Variants in PAPSS1 observed in about 807,000 individuals in gnomAD.
PAPSS1 encodes the protein 3'-phosphoadenosine 5'-phosphosulfate synthase 1.
In PAPSS1, 50 loss-of-function variants were observed where a neutral mutation model predicts 72.0. The ratio of observed to expected loss-of-function variants is 0.69; its 90% CI spans 0.55 to 0.88. The LOEUF (loss-of-function observed/expected upper bound fraction) is 0.88, where lower values mean the gene tolerates loss of function less well. Among genes scored for constraint, PAPSS1 ranks in the 40% least tolerant of loss-of-function variants. The pLI, the probability that PAPSS1 is intolerant of heterozygous loss-of-function variation, is 0.00. For synonymous variants in PAPSS1, 261 were observed against 263.6 expected (o/e 0.99, Z 0.09); for missense variants, 657 against 782.2 (o/e 0.84, Z 1.91).
intron 5 of PAPSS1, among the ~76,000 whole-genome samples, chr4:107,671,694 G>A (rs914050381): frequency 1.2e-4 from 18 of 152,022 alleles, no homozygotes; most frequent in African/African-American, 3.4e-4. Flanking sequence ...ATCCACAGAC[G>A]CTCAAGTGAT....
At chr4:107,634,578 C>T (rs78783219) in intron 10 of PAPSS1, among the ~76,000 whole-genome samples, 200 of 152,198 alleles carry the variant, frequency 1.3e-3, no homozygotes, top group African/African-American at 4.6e-3. Context: ...ATCTACACAT[C>T]ATTTAAAATA....
chr4:107,654,135 G>T lies in PAPSS1; in HGVS notation c.1102-509C>A, dbSNP rs185557113. ...TGTTCATATTCACAAGGCAGCTCCA[G>T]CCCTCCTTTTCCCCATGAGGCTTTG... On this transcript the variant is annotated intron_variant, in intron 8 of 11. Coordinates refer to ENST00000265174, the MANE Select transcript of PAPSS1 (RefSeq NM_005443.5). Among the ~76,000 whole-genome samples, 52 of 152,280 alleles carry T rather than the reference G, an allele frequency of 3.4e-4. No individual in the cohort carries two copies. In the East Asian group the frequency reaches 8.5e-3, roughly 25 times the overall value.
In PAPSS1 at chr4:107,705,579, C is replaced by T. The variant is rs567750354; in HGVS notation, c.61-4294G>A. 1.5e-4 allele frequency among the ~76,000 whole-genome samples: 23 copies of T among 152,280 alleles called. No homozygotes were observed. In the East Asian group the frequency reaches 1.7e-3, roughly 11 times the overall value. On this transcript the variant is annotated intron_variant, in intron 1 of 11. Transcript: ENST00000265174. ...AGAGTTCTTTATACCAGTGTGAAAA[C>T]GAACTAATACAGACTGGCATTAATC...
chr4:107,664,392 A>C (rs1440167529), intron 5 of PAPSS1, among the ~76,000 whole-genome samples: 1 of 152,156 alleles, frequency 6.6e-6, no homozygotes, highest in East Asian at 1.9e-4. Context: ...GGCTACAACA[A>C]GGCATGTTTA....
chr4:107,704,214 AATTT>A (rs2125938287), intron 1 of PAPSS1, among the ~76,000 whole-genome samples: 1 of 152,276 alleles, frequency 6.6e-6, no homozygotes, highest in Non-Finnish European at 1.5e-5. Flanking sequence ...AACTTTACTA[AATTT>A]ATTTATTCTA....
chr4:107,679,312 A>T (rs1727740065), intron 5 of PAPSS1, among the ~76,000 whole-genome samples: 1 of 152,136 alleles, frequency 6.6e-6, no homozygotes, highest in East Asian at 1.9e-4. Flanking sequence ...ATGAAGCAGG[A>T]ACACTAAGAA....
chr4:107,686,498 A>C (rs950508107), intron 4 of PAPSS1, among the ~76,000 whole-genome samples: 20 of 152,196 alleles, frequency 1.3e-4, no homozygotes, highest in African/African-American at 4.6e-4. Flanking sequence ...TTGAAACCAC[A>C]CATGTGGAAT....
intron 3 of PAPSS1, among the ~76,000 whole-genome samples, chr4:107,693,544 C>T (rs1046042921): frequency 5.9e-5 from 9 of 152,152 alleles, no homozygotes; most frequent in East Asian, 1.9e-4. Context: ...TTATACTTCA[C>T]GGCTTTTTTA....
chr4:107,713,781 A>T (rs914760240), intron 1 of PAPSS1, among the ~76,000 whole-genome samples: 6 of 151,350 alleles, frequency 4.0e-5, no homozygotes, highest in Admixed American at 2.6e-4. Flanking sequence ...AAGAAAAAAA[A>T]ATATGAAAGA....
intron 4 of PAPSS1, among the ~76,000 whole-genome samples, chr4:107,682,956 C>T (rs1722674851): frequency 6.6e-6 from 1 of 152,216 alleles, no homozygotes; most frequent in African/African-American, 2.4e-5. Context: ...TAGTATTAAC[C>T]ACTATTTAGA....
At chr4:107,645,740 C>T (rs1203849605) in intron 9 of PAPSS1, among the ~76,000 whole-genome samples, 2 of 152,202 alleles carry the variant, frequency 1.3e-5, no homozygotes, top group Non-Finnish European at 2.9e-5. Flanking sequence ...TGCTTGCTAG[C>T]AGGAGACCTT....
intron 1 of PAPSS1, among the ~76,000 whole-genome samples, chr4:107,715,425 C>T (rs1319096566): frequency 6.6e-6 from 1 of 152,184 alleles, no homozygotes; most frequent in Non-Finnish European, 1.5e-5. Flanking sequence ...CCTGACCACA[C>T]CCAGGCCAAT....
chr4:107,699,996 A>C (rs1723167590), intron 2 of PAPSS1, among the ~76,000 whole-genome samples: 1 of 152,210 alleles, frequency 6.6e-6, no homozygotes, highest in Non-Finnish European at 1.5e-5. Flanking sequence ...GAAGCTACCA[A>C]CTATTGACCC....
intron 10 of PAPSS1, among the ~76,000 whole-genome samples, chr4:107,634,561 A>C (rs377161321): frequency 3.4e-4 from 51 of 152,166 alleles, no homozygotes; most frequent in African/African-American, 1.2e-3. Flanking sequence ...AATTAACAAG[A>C]TATGTTATCT....
intron 11 of PAPSS1, among the ~76,000 whole-genome samples, chr4:107,622,742 A>G (rs1394717357): frequency 6.6e-6 from 1 of 152,254 alleles, no homozygotes; most frequent in Admixed American, 6.5e-5. Context: ...GAATCAAAAT[A>G]TTTGCTGTTA....
intron 11 of PAPSS1, among the ~76,000 whole-genome samples, chr4:107,622,645 T>C (rs571198279): frequency 2.0e-5 from 3 of 152,334 alleles, no homozygotes; most frequent in African/African-American, 4.8e-5. Flanking sequence ...TGTTGAATAA[T>C]ATTCTAAAGG....
At chr4:107,704,666 T>C (rs540152032) in intron 1 of PAPSS1, among the ~76,000 whole-genome samples, 2 of 152,308 alleles carry the variant, frequency 1.3e-5, no homozygotes, top group East Asian at 3.9e-4. Flanking sequence ...AATTTGCATA[T>C]GTTAGCTGGG....
chr4:107,680,677 TGGGCTTTTAATCAATGTGTGGTTGA>T (rs1296346709), intron 5 of PAPSS1, among the ~76,000 whole-genome samples: 1 of 152,120 alleles, frequency 6.6e-6, no homozygotes, highest in Non-Finnish European at 1.5e-5. Context: ...ACTACAGTGG[TGGGCTTTTAATCAATGTGTGGTTGA>T]TGATGGAAGA....
intron 1 of PAPSS1, among the ~76,000 whole-genome samples, chr4:107,707,940 A>G (rs13121670): frequency 0.018 from 2,727 of 152,136 alleles, 34 homozygotes; most frequent in Non-Finnish European, 0.026. Context: ...CTTCCCCTTC[A>G]CAATCCTGTA....
Sources: gnomAD v4.1 joint callset for allele counts (sites outside exome capture counted in the v4.1 genomes callset) on GRCh38, gnomAD v4.1.1 for gene constraint, MANE v1.5 for transcripts, NCBI Gene and HGNC (gene_info 2026-07-23, HGNC 2026-07-21) for gene names.